EXOG: variants seen among roughly 807,000 people sequenced by gnomAD.
EXOG encodes exo/endonuclease G, also known as nuclease EXOG, mitochondrial.
Under a neutral mutation model 25.8 loss-of-function variants are expected in EXOG, and 27 were observed. The ratio of observed to expected loss-of-function variants is 1.05; its 90% confidence interval spans 0.77 to 1.45. EXOG has a LOEUF of 1.45. Ranked by LOEUF, EXOG falls within the 40% of genes most tolerant of loss-of-function variation. The pLI is 0.00. For missense variants in EXOG, 458 were observed against 450.5 expected (o/e 1.02, Z -0.15); for synonymous variants, 133 against 167.0 (o/e 0.80, Z 1.57).
At chr3:38,498,047 A>C (rs1196086871) in intron 2 of EXOG, 1 of 360,964 alleles carries the variant, frequency 2.8e-6, no homozygotes, top group Non-Finnish European at 4.9e-6. Context: ...AGCACCATTC[A>C]GTTTTACCTT....
In EXOG at chr3:38,505,822, C is replaced by T. The variant is rs116831515; in HGVS notation, c.531-1032C>T. On this transcript the variant is annotated intron_variant, in intron 4 of 5. Transcript: ENST00000287675. Reference sequence around the variant, plus strand: ...CACTAAAAATAAAAAAAAAATTAGCCGAGTGTGGTGGCACACACCTAAAAT... The same window carrying T: ...CACTAAAAATAAAAAAAAAATTAGCTGAGTGTGGTGGCACACACCTAAAAT... Among the ~76,000 whole-genome samples, 1,077 of 151,918 alleles carry T rather than the reference C, an allele frequency of 7.1e-3. 10 individuals are homozygous for T. Among genetic ancestry groups the T allele is most frequent in the Non-Finnish European group, 9.3e-3 (634 of 67,970 alleles).
At position 38,524,021 on chromosome 3, in the gene EXOG, A is replaced by G; in HGVS notation, c.766A>G (p.Ile256Val). ...GGCCTTTGTGGTACCCAATGAAGCCATCGGCTTCCAGCCCCAGTTAACTGA... is the reference window on the plus strand; with the variant it reads ...GGCCTTTGTGGTACCCAATGAAGCCGTCGGCTTCCAGCCCCAGTTAACTGA... The part of the protein sequence containing the change: ...LGAFVVPNEA[I>V]GFQPQLTEFQ... The change falls in exon 6 of 6, where the codon ATC (isoleucine) becomes GTC (valine). Residue 256 changes from isoleucine to valine, a missense_variant. This residue lies in a region of EXOG where 178 missense variants were observed against 203.7 expected (regional missense o/e 0.87). Transcript: ENST00000287675. 2 of 1,614,120 alleles carry G rather than the reference A, an allele frequency of 1.2e-6. No individual in the cohort carries two copies. Among genetic ancestry groups the G allele is most frequent in the Non-Finnish European group, 1.7e-6 (2 of 1,179,940 alleles).
At position 38,498,898 on chromosome 3, in the gene EXOG, T is replaced by G. The variant is rs1339323941; in HGVS notation, c.313+1120T>G. The G allele has an allele frequency of 6.6e-6, 3 of 456,662 alleles. No homozygotes were observed. The Admixed American group carries it at 7.0e-5, about 11-fold the overall frequency. 28.3% of individuals were successfully genotyped at this position (456,662 alleles called of 1,614,324 possible). On this transcript the variant is annotated intron_variant, in intron 2 of 5. Coordinates refer to ENST00000287675, the MANE Select transcript of EXOG (RefSeq NM_005107.4). ...AGGGTCCTGTAGAATTGCCAGATCTTGATAATTAATGTCAAATTGGTTTCT... is the reference window on the plus strand; with the variant it reads ...AGGGTCCTGTAGAATTGCCAGATCTGGATAATTAATGTCAAATTGGTTTCT...
intron 5 of EXOG, among the ~76,000 whole-genome samples, chr3:38,510,219 T>C (rs1302861857): frequency 6.6e-6 from 1 of 152,132 alleles, no homozygotes; most frequent in Non-Finnish European, 1.5e-5. Context: ...AAAGTGTTAG[T>C]GTCATAAAAG....
rs1402987888 is a variant in EXOG at position 38,524,072 on chromosome 3, G to C, written c.817G>C (p.Glu273Gln). Residue 273 changes from glutamate (E) to glutamine (Q), a missense_variant, in exon 6 of 6, where the codon GAG becomes CAG. This residue lies in a region of EXOG where 178 missense variants were observed against 203.7 expected (regional missense o/e 0.87). Transcript: ENST00000287675. ...TEFQVSLQDL[E>Q]KLSGLVFFPH... ...ATTCCAAGTGAGCCTCCAGGACCTA[G>C]AGAAGTTGTCAGGACTGGTGTTTTT... The C allele has an allele frequency of 6.2e-7, 1 of 1,614,204 alleles. No homozygotes were observed. The highest frequency in any genetic ancestry group is 1.1e-5 in the South Asian group (1 of 91,088).
chr3:38,520,812 C>T (rs964961473), intron 5 of EXOG, among the ~76,000 whole-genome samples: 1 of 152,126 alleles, frequency 6.6e-6, no homozygotes, highest in Admixed American at 6.5e-5. Flanking sequence ...ATGGCTGTTA[C>T]GTATTTTGTA....
chr3:38,520,173 G>A (rs1253084886), intron 5 of EXOG, among the ~76,000 whole-genome samples: 1 of 152,100 alleles, frequency 6.6e-6, no homozygotes, highest in African/African-American at 2.4e-5. Flanking sequence ...GGTATTGTTT[G>A]TTTTGGGTCT....
At position 38,501,293 on chromosome 3, in the gene EXOG, T is replaced by C. The variant is rs1190397472; in HGVS notation, c.314-62T>C. On this transcript the variant is annotated intron_variant, in intron 2 of 5. Coordinates refer to ENST00000287675, the MANE Select transcript of EXOG (RefSeq NM_005107.4). Reference sequence around the variant, plus strand: ...CCAGTAGCAACCAGCTTGCCTTGCTTAGAGAATCTTGAGGGACATTTGTCT... The same window carrying C: ...CCAGTAGCAACCAGCTTGCCTTGCTCAGAGAATCTTGAGGGACATTTGTCT... The C allele has an allele frequency of 7.4e-6, 11 of 1,491,794 alleles. No homozygotes were observed. The East Asian group carries it at 2.5e-4, about 34-fold the overall frequency. The allele number at this position is 1,491,794 out of a possible 1,614,324, so 92.4% of individuals were successfully genotyped here. A position where few individuals can be genotyped will look rare whatever the true frequency, so the allele number is the denominator to read the frequency against.
At chr3:38,505,520 C>T (rs908253323) in intron 4 of EXOG, 1 of 152,002 alleles carries the variant, frequency 6.6e-6, no homozygotes, top group African/African-American at 2.4e-5. Context: ...AGAGAAGGAA[C>T]AAAGAAGTAT....
Position 38,526,117 on chromosome 3 carries a change from A to T in EXOG, c.*1755A>T, listed in dbSNP as rs992778710. On this transcript the variant is annotated 3_prime_UTR_variant, in exon 6 of 6. Transcript: ENST00000287675. ...GAGCCAGATCTCTTGATTTGGGTTTACACGGAGTCCTTTCATGGACTATCC... is the reference window on the plus strand; with the variant it reads ...GAGCCAGATCTCTTGATTTGGGTTTTCACGGAGTCCTTTCATGGACTATCC... The T allele has an allele frequency of 2.0e-6, 2 of 985,312 alleles. No homozygotes were observed. Among genetic ancestry groups the T allele is most frequent in the African/African-American group, 3.5e-5 (2 of 57,226 alleles). 61.0% of individuals were successfully genotyped at this position (985,312 alleles called of 1,614,324 possible). A position where few individuals can be genotyped will look rare whatever the true frequency, so the allele number is the denominator to read the frequency against.
chr3:38,504,634 C>A (rs995958044), intron 4 of EXOG, among the ~76,000 whole-genome samples: 1 of 152,084 alleles, frequency 6.6e-6, no homozygotes, highest in Non-Finnish European at 1.5e-5. Flanking sequence ...TGGGGTTTCA[C>A]TATGTTGGCC....
chr3:38,523,509 G>GC (rs1422364271), intron 5 of EXOG: 1 of 164,196 alleles, frequency 6.1e-6, no homozygotes, highest in Non-Finnish European at 1.3e-5. Context: ...GATTACAGGC[G>GC]CCTGCCACCA....
chr3:38,523,344 CT>C (rs2060780200), intron 5 of EXOG: 18 of 1,227,000 alleles, frequency 1.5e-5, no homozygotes, highest in South Asian at 2.8e-5. Flanking sequence ...ACTGTGACCC[CT>C]GATCTTTGGG....
In EXOG at chr3:38,525,683, C is replaced by T; in HGVS notation, c.*1321C>T. On this transcript the variant is annotated 3_prime_UTR_variant, in exon 6 of 6. Transcript: ENST00000287675. The stretch of plus-strand genomic sequence containing the variant: ...TGCAGCCAGGCATGGTGGCTCAGGC[C>T]TATAATCTCAGCACTTTGGGAAATC... 1.0e-6 allele frequency: 1 copy of T among 965,420 alleles called. No homozygotes were observed. Among genetic ancestry groups the T allele is most frequent in the Non-Finnish European group, 1.2e-6 (1 of 811,714 alleles). 59.8% of individuals were successfully genotyped at this position (965,420 alleles called of 1,614,324 possible). A position where few individuals can be genotyped will look rare whatever the true frequency, so the allele number is the denominator to read the frequency against.
rs2060854889 is a variant in EXOG, at chr3:38,525,796, T to C, written c.*1434T>C. The C allele has an allele frequency of 1.6e-5, 6 of 375,500 alleles. No homozygotes were observed. The highest frequency in any genetic ancestry group is 2.2e-5 in the Non-Finnish European group (6 of 272,810). The allele number at this position is 375,500 out of a possible 1,614,324, so 23.3% of individuals were successfully genotyped here. A position where few individuals can be genotyped will look rare whatever the true frequency, so the allele number is the denominator to read the frequency against. On this transcript the variant is annotated 3_prime_UTR_variant, in exon 6 of 6. Coordinates refer to ENST00000287675, the MANE Select transcript of EXOG (RefSeq NM_005107.4). ...TATCTTTACAAAAAAATACAAAAAT[T>C]AGCTGGGCGTGGTGGTGCACACCTG...
chr3:38,497,694 T>TA lies in EXOG; in HGVS notation c.230dup (p.Tyr77Ter), dbSNP rs138059665. ...TTTAACTGGAACAGAGGCAAGGTGT[T>TA]ACACTAATCACGCTTTGTCTTATGA... is the stretch of plus-strand genomic sequence containing the variant. ...FPLTGTEARC[Y>*]TNHALSYDQA... The change falls in exon 2 of 6, where the codon TAC (tyrosine) becomes TAAC (stop). Residue 77 changes from tyrosine (Y) to a stop codon, truncating the protein, a stop_gained and frameshift_variant. Coordinates refer to ENST00000287675, the MANE Select transcript of EXOG (RefSeq NM_005107.4). LOFTEE classifies it high-confidence loss of function. 24 of 1,611,412 alleles carry TA rather than the reference T, an allele frequency of 1.5e-5. No homozygotes were observed. The East Asian group carries it at 4.9e-4, about 33-fold the overall frequency.
intron 5 of EXOG, among the ~76,000 whole-genome samples, chr3:38,518,941 CTT>C (rs1043950612): frequency 6.6e-6 from 1 of 152,168 alleles, no homozygotes; most frequent in African/African-American, 2.4e-5. Context: ...CAGTGTTACT[CTT>C]TGAAGCGCTC....
rs559156083 is a variant in EXOG, at chr3:38,521,626, A to T, written c.646-2275A>T. ...TTTAACTGCTGGATTCCTAGCTAGC[A>T]CCTGGAATACTTGAAGCCCCTTTCA... On this transcript the variant is annotated intron_variant, in intron 5 of 5. Coordinates refer to ENST00000287675, the MANE Select transcript of EXOG (RefSeq NM_005107.4). Among the ~76,000 whole-genome samples, 20 of 152,348 alleles carry T rather than the reference A, an allele frequency of 1.3e-4. 1 individual carries two copies. In the South Asian group the frequency reaches 3.9e-3, roughly 30 times the overall value.
chr3:38,521,285 G>A (rs1301175625), intron 5 of EXOG, among the ~76,000 whole-genome samples: 1 of 152,194 alleles, frequency 6.6e-6, no homozygotes, highest in African/African-American at 2.4e-5. Context: ...TTCCTAATAG[G>A]AATTTCTGTT....
Sources: gnomAD v4.1 joint callset for allele counts (sites outside exome capture counted in the v4.1 genomes callset) on GRCh38, gnomAD v4.1.1 for gene constraint, gnomAD v4.1.1 regional missense constraint, MANE v1.5 for transcripts, NCBI Gene and HGNC (gene_info 2026-07-23, HGNC 2026-07-21) for gene names.